DAB1: variants seen among roughly 807,000 people sequenced by gnomAD.
DAB1 encodes the protein disabled homolog 1.
A neutral mutation model predicts 64.6 loss-of-function variants in DAB1; 15 were observed. The ratio of observed to expected loss-of-function variants is 0.23; its 90% CI spans 0.16 to 0.36. The LOEUF (loss-of-function observed/expected upper bound fraction) is 0.36, where lower values mean the gene tolerates loss of function less well. DAB1 is among the 10% of genes least tolerant of loss of function. The pLI is 1.00. For missense variants in DAB1, 596 were observed against 706.7 expected, an observed-to-expected ratio of 0.84 and a Z score of 1.78; for synonymous variants, 235 against 251.9, an observed-to-expected ratio of 0.93 and a Z score of 0.64.
intron 4 of DAB1, among the ~76,000 whole-genome samples, chr1:58,154,117 T>C (rs1315777450): frequency 1.3e-5 from 2 of 152,006 alleles, no homozygotes; most frequent in African/African-American, 2.4e-5. Context: ...GGATGAAGCC[T>C]TCATTTTAAA....
At chr1:57,040,954 G>A (rs1169913607) in intron 9 of DAB1, among the ~76,000 whole-genome samples, 14 of 152,164 alleles carry the variant, frequency 9.2e-5, no homozygotes. Flanking sequence ...TTGCTGCTGT[G>A]CCTCTCTTGG....
chr1:57,507,505 T>C (rs1430028238), intron 7 of DAB1, among the ~76,000 whole-genome samples: 1 of 152,322 alleles, frequency 6.6e-6, no homozygotes, highest in Non-Finnish European at 1.5e-5. Context: ...TAACAGGGTT[T>C]ACATGTTTGG....
At chr1:58,316,647 T>C (rs1445945216) in intron 4 of DAB1, among the ~76,000 whole-genome samples, 1 of 151,984 alleles carries the variant, frequency 6.6e-6, no homozygotes, top group Non-Finnish European at 1.5e-5. Flanking sequence ...AGTAACTAAG[T>C]GGGCAAGAAG....
At chr1:58,375,758 T>C (rs1232434392) in intron 3 of DAB1, among the ~76,000 whole-genome samples, 4 of 144,304 alleles carry the variant, frequency 2.8e-5, no homozygotes, top group Non-Finnish European at 6.2e-5. Context: ...GAAGGAATGG[T>C]ACCAGTTCCT....
chr1:57,337,395 C>A (rs2100815767), intron 1 of DAB1, among the ~76,000 whole-genome samples: 1 of 152,200 alleles, frequency 6.6e-6, no homozygotes, highest in East Asian at 1.9e-4. Flanking sequence ...AGGGCTCACC[C>A]CTGCCTTTGC....
chr1:57,059,692 A>G (rs964897101), intron 9 of DAB1, among the ~76,000 whole-genome samples: 4 of 151,950 alleles, frequency 2.6e-5, no homozygotes, highest in African/African-American at 9.7e-5. Flanking sequence ...AGTGGGATCA[A>G]CTTTCCAATA....
intron 3 of DAB1, chr1:58,480,978 C>A (rs779417301): frequency 2.3e-6 from 2 of 863,046 alleles, no homozygotes; most frequent in South Asian, 1.3e-5. Flanking sequence ...ACTGCCCGTT[C>A]TTTTCTCAAC....
intron 2 of DAB1, among the ~76,000 whole-genome samples, chr1:57,185,217 C>A (rs1663412791): frequency 6.6e-6 from 1 of 152,100 alleles, no homozygotes; most frequent in Non-Finnish European, 1.5e-5. Context: ...CCACTCCTAC[C>A]CCTACCATGT....
intron 1 of DAB1, among the ~76,000 whole-genome samples, chr1:57,307,569 CT>C (rs1674297328): frequency 6.6e-6 from 1 of 151,836 alleles, no homozygotes; most frequent in African/African-American, 2.4e-5. Flanking sequence ...CTTTCCCTTT[CT>C]GTTGAATCTA....
chr1:58,163,087 T>C (rs1223987709), intron 4 of DAB1, among the ~76,000 whole-genome samples: 2 of 152,128 alleles, frequency 1.3e-5, no homozygotes, highest in Non-Finnish European at 2.9e-5. Flanking sequence ...AAGTTAGCCC[T>C]GCGAAAACCG....
chr1:57,143,287 C>G (rs1279972684), intron 3 of DAB1, among the ~76,000 whole-genome samples: 2 of 152,072 alleles, frequency 1.3e-5, no homozygotes, highest in African/African-American at 4.8e-5. Flanking sequence ...GCTGTGTATC[C>G]AAGTCACATC....
At chr1:58,329,708 A>T (rs1418031201) in intron 4 of DAB1, among the ~76,000 whole-genome samples, 1 of 151,992 alleles carries the variant, frequency 6.6e-6, no homozygotes, top group African/African-American at 2.4e-5. Context: ...AATATTTCAA[A>T]TTTTTCATCA....
chr1:57,333,183 T>C (rs370294811), intron 1 of DAB1, among the ~76,000 whole-genome samples: 74 of 152,342 alleles, frequency 4.9e-4, no homozygotes, highest in African/African-American at 1.8e-3. Flanking sequence ...GGCTGGAATG[T>C]AAGCCTCTTA....
chr1:57,184,420 G>A (rs155310), intron 2 of DAB1, among the ~76,000 whole-genome samples: 4,366 of 152,184 alleles, frequency 0.029, 213 homozygotes, highest in African/African-American at 0.1. Context: ...TCATCTTGAA[G>A]TGCATACCTG....
intron 3 of DAB1, among the ~76,000 whole-genome samples, chr1:58,505,251 A>G (rs1645969435): frequency 6.6e-6 from 1 of 152,192 alleles, no homozygotes; most frequent in Admixed American, 6.5e-5. Flanking sequence ...ATACTTCTAT[A>G]ATACACCTGG....
At chr1:57,914,102 C>T (rs868296278) in intron 5 of DAB1, among the ~76,000 whole-genome samples, 2 of 152,130 alleles carry the variant, frequency 1.3e-5, no homozygotes, top group Admixed American at 1.3e-4. Flanking sequence ...TGGGTATATT[C>T]CCAAAGGATT....
rs542011685 is a variant in DAB1 at position 57,168,859 on chromosome 1, C to T, written c.68-23430G>A. Among the ~76,000 whole-genome samples the T allele has an allele frequency of 3.3e-5, 5 of 152,170 alleles. No individual in the cohort carries two copies. The South Asian group carries it at 1.0e-3, about 32-fold the overall frequency. On this transcript the variant is annotated intron_variant, in intron 2 of 14. Transcript: ENST00000371236. ...TCATTTGAGGGCAGGAGTTTGAGAC[C>T]AGCCTGGGCAAAATAGCGCAACTCT...
chr1:58,199,471 C>A (rs554735534), intron 4 of DAB1, among the ~76,000 whole-genome samples: 3 of 152,268 alleles, frequency 2.0e-5, no homozygotes, highest in Non-Finnish European at 4.4e-5. Context: ...ATTACTTAAT[C>A]TCTCTTTTTT....
At chr1:57,463,641 T>C (rs1030762174) in intron 7 of DAB1, among the ~76,000 whole-genome samples, 1 of 152,202 alleles carries the variant, frequency 6.6e-6, no homozygotes, top group African/African-American at 2.4e-5. Flanking sequence ...AGAGCGACTC[T>C]TCTTTGAATT....
Sources: gnomAD v4.1 joint callset for allele counts (sites outside exome capture counted in the v4.1 genomes callset) on GRCh38, gnomAD v4.1.1 for gene constraint, MANE v1.5 for transcripts, NCBI Gene and HGNC (gene_info 2026-07-23, HGNC 2026-07-21) for gene names.